The following DNAJC10 variants were observed in gnomAD, a reference collection of about 807,000 sequenced individuals.
The protein encoded by DNAJC10 is endoplasmic reticulum disulfide reductase DNAJC10.
DNAJC10 carries 101 observed loss-of-function variants against 115.0 expected under a neutral mutation model. That is an observed-to-expected ratio of 0.88 (90% CI 0.75 to 1.04). DNAJC10 has a LOEUF of 1.04. DNAJC10 is among the 50% of genes least tolerant of loss of function. DNAJC10 has a pLI of 0.00. For synonymous variants in DNAJC10, 307 were observed against 301.5 expected (o/e 1.02, Z -0.19); for missense variants, 981 against 928.8 (o/e 1.06, Z -0.73).
chr2:182,762,667 A>AT lies in DNAJC10; in HGVS notation c.2146-10dup, dbSNP rs753811148. 1.2e-6 allele frequency: 2 copies of AT among 1,611,036 alleles called. No homozygotes were observed. The highest frequency in any genetic ancestry group is 1.7e-6 in the Non-Finnish European group (2 of 1,178,088). ...TGCCAAACAGAAAATGGCAAACTGTATTTTTCTTTTTCAGATGATTAAAGG... is the reference window on the plus strand; with the variant it reads ...TGCCAAACAGAAAATGGCAAACTGTATTTTTTCTTTTTCAGATGATTAAAGG... On this transcript the variant is annotated splice_polypyrimidine_tract_variant and intron_variant, in intron 21 of 23. Transcript: ENST00000264065.
At chr2:182,722,333 A>T (rs754694551) in intron 5 of DNAJC10, among the ~76,000 whole-genome samples, 23 of 152,210 alleles carry the variant, frequency 1.5e-4, no homozygotes, top group Non-Finnish European at 3.1e-4. Context: ...TCAGGTTTGG[A>T]TGCCAAGTGA....
chr2:182,734,704 G>T (rs1693542759), intron 10 of DNAJC10, among the ~76,000 whole-genome samples: 1 of 151,354 alleles, frequency 6.6e-6, no homozygotes, highest in South Asian at 2.1e-4. Context: ...TATTTCCTTT[G>T]TTTCTGTCAA....
Position 182,759,297 on chromosome 2 carries a change from T to A in DNAJC10, c.2135T>A (p.Leu712His). The A allele has an allele frequency of 6.2e-7, 1 of 1,610,412 alleles. No individual in the cohort carries two copies. The highest frequency in any genetic ancestry group is 8.5e-7 in the Non-Finnish European group (1 of 1,179,210). The part of the protein sequence containing the change: ...PCQNFAPEFE[L>H]LARMIKGKVK... ...CAGAATTTTGCTCCAGAATTTGAGC[T>A]CTTGGCTAGGGTAAGTCATACCTGT... Residue 712 changes from leucine (L) to histidine (H), a missense_variant, in exon 21 of 24, where the codon CTC becomes CAC. Transcript: ENST00000264065.
chr2:182,747,405 C>G (rs1458001064), intron 14 of DNAJC10, among the ~76,000 whole-genome samples: 5 of 150,346 alleles, frequency 3.3e-5, no homozygotes, highest in Non-Finnish European at 7.4e-5. Context: ...CTTTTATTTC[C>G]TTGAGCAGTG....
In DNAJC10 at chr2:182,718,008, C is replaced by T; in HGVS notation, c.-79C>T. 9.2e-7 allele frequency: 1 copy of T among 1,089,390 alleles called. No homozygotes were observed. The highest frequency in any genetic ancestry group is 1.3e-6 in the Non-Finnish European group (1 of 764,002). The allele number at this position is 1,089,390 out of a possible 1,614,324, so 67.5% of individuals were successfully genotyped here. ...TTGAAGTAATGTAGACAGAAGTTCT[C>T]AAATTTGCATATTACATCAACTGGA... On this transcript the variant is annotated 5_prime_UTR_variant, in exon 3 of 24. Transcript: ENST00000264065.
At chr2:182,756,566 A>T in intron 18 of DNAJC10, 97 bp downstream of exon 18, 1 of 1,177,300 alleles carries the variant, frequency 8.5e-7, no homozygotes, top group South Asian at 1.5e-5. Context: ...CCCACAACTA[A>T]ATTATTACTT....
At chr2:182,769,670 T>A (rs1361637450) in intron 22 of DNAJC10, among the ~76,000 whole-genome samples, 3 of 149,896 alleles carry the variant, frequency 2.0e-5, no homozygotes, top group Non-Finnish European at 4.5e-5. Flanking sequence ...TTTTGATGGG[T>A]TTTTTTTTAT....
At chr2:182,732,849 T>C in intron 10 of DNAJC10, 1 of 369,336 alleles carries the variant, frequency 2.7e-6, no homozygotes, top group Admixed American at 4.8e-5. Context: ...TTTTGTTGTT[T>C]TCTTTTTTAG....
chr2:182,752,340 A>G (rs1694045134), intron 16 of DNAJC10, 152 bp downstream of exon 16: 2 of 459,626 alleles, frequency 4.4e-6, no homozygotes, highest in Non-Finnish European at 7.3e-6. Context: ...ATTTTTAGAA[A>G]GTGGTATCAA....
chr2:182,757,173 T>A (rs1422201217), intron 18 of DNAJC10, among the ~76,000 whole-genome samples: 1 of 152,180 alleles, frequency 6.6e-6, no homozygotes, highest in East Asian at 1.9e-4. Context: ...ACAAATCACT[T>A]AAATACCAGA....
At position 182,719,259 on chromosome 2, in the gene DNAJC10, T is replaced by C. The variant is rs201141471; in HGVS notation, c.205-748T>C. ...AATTTTGGATTGTTTTCTTTTTTTT[T>C]TTTTTTTTTTTTTTGAGATAGGGTC... On this transcript the variant is annotated intron_variant, in intron 3 of 23. Coordinates refer to ENST00000264065, the MANE Select transcript of DNAJC10 (RefSeq NM_018981.4). Among the ~76,000 whole-genome samples the C allele has an allele frequency of 5.6e-4, 80 of 143,546 alleles. 2 individuals carry two copies. The East Asian group carries it at 0.014, about 25-fold the overall frequency. The allele number at this position is 143,546 out of a possible 152,430, so 94.2% of individuals were successfully genotyped here.
At chr2:182,762,356 A>G (rs1467666919) in intron 21 of DNAJC10, among the ~76,000 whole-genome samples, 1 of 152,068 alleles carries the variant, frequency 6.6e-6, no homozygotes, top group Non-Finnish European at 1.5e-5. Context: ...GCACACCCCC[A>G]GTGAAAGGAG....
At chr2:182,739,198 TTATATATATTTATATATATA>T (rs1235906299) in intron 11 of DNAJC10, among the ~76,000 whole-genome samples, 7 of 143,478 alleles carry the variant, frequency 4.9e-5, no homozygotes, top group Non-Finnish European at 1.1e-4. Context: ...TCATATATAT[TTATATATATTTATATATATA>T]ATATCTCATA....
Position 182,722,039 on chromosome 2 carries a change from G to T in DNAJC10, c.382G>T (p.Asp128Tyr). The T allele has an allele frequency of 6.5e-7, 1 of 1,545,570 alleles. No individual in the cohort carries two copies. The highest frequency in any genetic ancestry group is 8.8e-7 in the Non-Finnish European group (1 of 1,141,524). The change falls in exon 5 of 24, where the codon GAT (aspartate) becomes TAT (tyrosine). Residue 128 changes from aspartate to tyrosine, a missense_variant. By Grantham distance (160) the Asp-to-Tyr change is radical. Transcript: ENST00000264065. ...TTTAAAATTAGGTATTTATGATGAT[G>T]ATCCTGAAATCATAACATTGGAAAG... ...YRYDFGIYDD[D>Y]PEIITLERRE... is the part of the protein sequence containing the mutation.
chr2:182,791,565 G>T lies in DNAJC10; in HGVS notation c.*14433G>T, dbSNP rs1022530252. 1.3e-5 allele frequency: 2 copies of T among 152,108 alleles called. No individual in the cohort carries two copies. The highest frequency in any genetic ancestry group is 4.8e-5 in the African/African-American group (2 of 41,438). 9.4% of individuals were successfully genotyped at this position (152,108 alleles called of 1,614,324 possible). On this transcript the variant is annotated 3_prime_UTR_variant, in exon 24 of 24. Coordinates refer to ENST00000264065, the MANE Select transcript of DNAJC10 (RefSeq NM_018981.4). ...CAAAATATTGGTCAAAACTTTTTCA[G>T]TTTAATGAGTTTCAAGATATTCTTC...
chr2:182,771,811 GTC>G (rs1389171158), intron 22 of DNAJC10, among the ~76,000 whole-genome samples: 1 of 151,726 alleles, frequency 6.6e-6, no homozygotes, highest in Non-Finnish European at 1.5e-5. Flanking sequence ...GGTTTTTTAT[GTC>G]TCTCTTTCAG....
rs775288534 is a variant in DNAJC10, at chr2:182,775,330, A to C, written c.2280A>C (p.Glu760Asp). ...TTTAATTTTAGAGAAATTTTCAAGA[A>C]GAGCAGATAAATACCAGAGATGCAA... ...FYERAKRNFQ[E>D]EQINTRDAKA... is the part of the protein sequence containing the mutation. The change falls in exon 23 of 24, where the codon GAA becomes GAC. Residue 760 changes from glutamate (E) to aspartate (D), a missense_variant. Coordinates refer to ENST00000264065, the MANE Select transcript of DNAJC10 (RefSeq NM_018981.4). The C allele has an allele frequency of 5.6e-6, 9 of 1,606,214 alleles. No homozygotes were observed. The South Asian group carries it at 1.0e-4, about 18-fold the overall frequency.
At position 182,790,488 on chromosome 2, in the gene DNAJC10, A is replaced by G. The variant is rs760084060; in HGVS notation, c.*13356A>G. ...TAATGAAGCACCTTTTCCCTTTTCT[A>G]AAATTCAATAGTAAGGGCCAGGCAC... On this transcript the variant is annotated 3_prime_UTR_variant, in exon 24 of 24. Transcript: ENST00000264065. 6 of 152,146 alleles carry G rather than the reference A, an allele frequency of 3.9e-5. No homozygotes were observed. The highest frequency in any genetic ancestry group is 7.3e-5 in the Non-Finnish European group (5 of 68,036). The allele number at this position is 152,146 out of a possible 1,614,324, so 9.4% of individuals were successfully genotyped here. A position where few individuals can be genotyped will look rare whatever the true frequency, so the allele number is the denominator to read the frequency against.
intron 14 of DNAJC10, among the ~76,000 whole-genome samples, chr2:182,746,986 G>A (rs1693884906): frequency 6.6e-6 from 1 of 151,824 alleles, no homozygotes; most frequent in South Asian, 2.1e-4. Context: ...ATTAAATAGG[G>A]AATCCTTTCC....
Sources: gnomAD v4.1 joint callset for allele counts (sites outside exome capture counted in the v4.1 genomes callset) on GRCh38, gnomAD v4.1.1 for gene constraint, MANE v1.5 for transcripts, NCBI Gene and HGNC (gene_info 2026-07-23, HGNC 2026-07-21) for gene names.